The following CTNNA3 variants were observed in gnomAD, a reference collection of about 807,000 sequenced individuals.
The protein encoded by CTNNA3 is catenin alpha-3.
A neutral mutation model predicts 95.7 loss-of-function variants in CTNNA3; 76 were observed. That is an observed-to-expected ratio of 0.79 (90% CI 0.66 to 0.96). The LOEUF is 0.96. Ranked by LOEUF, CTNNA3 falls within the 40% of genes least tolerant of loss-of-function variation. The pLI is 0.00. For synonymous variants in CTNNA3, 431 were observed against 374.4 expected (o/e 1.15, Z -1.74); for missense variants, 1,191 against 1,089.8 (o/e 1.09, Z -1.31).
chr10:66,448,391 G>A (rs552425334), intron 11 of CTNNA3, among the ~76,000 whole-genome samples: 58 of 152,090 alleles, frequency 3.8e-4, no homozygotes, highest in African/African-American at 1.3e-3. Context: ...TGTTTATTGC[G>A]GCACTATTCA....
intron 13 of CTNNA3, among the ~76,000 whole-genome samples, chr10:66,238,681 AATAT>A (rs57015862): frequency 6.6e-6 from 1 of 150,596 alleles, no homozygotes; most frequent in Non-Finnish European, 1.5e-5. Context: ...TAAATGTCCA[AATAT>A]ATATATATAT....
chr10:66,942,576 C>CTCTG (rs1400776459), intron 7 of CTNNA3, among the ~76,000 whole-genome samples: 1 of 140,258 alleles, frequency 7.1e-6, no homozygotes, highest in African/African-American at 2.8e-5. Flanking sequence ...CTCTCTCTCT[C>CTCTG]TGTGTGTGTG....
At chr10:67,482,177 T>C (rs2133055754) in intron 5 of CTNNA3, among the ~76,000 whole-genome samples, 1 of 150,672 alleles carries the variant, frequency 6.6e-6, no homozygotes, top group African/African-American at 2.4e-5. Flanking sequence ...TGAAGTCAGG[T>C]AGTGTGATGC....
At chr10:67,406,859 C>T (rs1302562279) in intron 5 of CTNNA3, among the ~76,000 whole-genome samples, 1 of 152,110 alleles carries the variant, frequency 6.6e-6, no homozygotes. Flanking sequence ...CCTCCCAAGA[C>T]TGAACCAGAA....
chr10:66,764,420 CTAAAT>C (rs1278704988), intron 9 of CTNNA3, among the ~76,000 whole-genome samples: 4 of 152,212 alleles, frequency 2.6e-5, no homozygotes, highest in East Asian at 3.9e-4. Context: ...TTTGTTTAAA[CTAAAT>C]TAAAGAGGTC....
rs1256765609 is a variant in CTNNA3, at chr10:67,237,122, GTATGTATATATATATATATATATATA to G, written c.580-17278_580-17253del. On this transcript the variant is annotated intron_variant, in intron 5 of 17. Transcript: ENST00000433211. ...AATGAGTGGATAAAGAAACTATGGT[GTATGTATATATATATATATATATATA>G]TATATATATATATATATATATATAT... 7.0e-3 allele frequency among the ~76,000 whole-genome samples: 554 copies of G among 79,636 alleles called. 32 individuals are homozygous for G. The highest frequency in any genetic ancestry group is 0.014 in the African/African-American group (429 of 29,608). The allele number at this position is 79,636 out of a possible 152,430, so 52.2% of individuals were successfully genotyped here.
At chr10:66,417,555 T>G (rs1174189894) in intron 11 of CTNNA3, among the ~76,000 whole-genome samples, 1 of 151,990 alleles carries the variant, frequency 6.6e-6, no homozygotes, top group African/African-American at 2.4e-5. Flanking sequence ...GAACATTTTA[T>G]CCAACAACTG....
At chr10:67,375,080 T>C (rs1235939925) in intron 5 of CTNNA3, among the ~76,000 whole-genome samples, 1 of 152,180 alleles carries the variant, frequency 6.6e-6, no homozygotes, top group Non-Finnish European at 1.5e-5. Flanking sequence ...GCCCAAATTA[T>C]TTAAATTATT....
intron 14 of CTNNA3, among the ~76,000 whole-genome samples, chr10:66,082,479 A>G (rs2080803151): frequency 6.6e-6 from 1 of 152,188 alleles, no homozygotes. Context: ...TCTAGAGGGG[A>G]CTAGGAGATG....
chr10:66,443,410 T>C (rs968219479), intron 11 of CTNNA3, among the ~76,000 whole-genome samples: 4 of 151,982 alleles, frequency 2.6e-5, no homozygotes, highest in Non-Finnish European at 5.9e-5. Flanking sequence ...CGCCCCCCAG[T>C]AGGGGCAGAC....
At chr10:67,724,924 T>C (rs1194812521) in intron 1 of CTNNA3, among the ~76,000 whole-genome samples, 1 of 152,122 alleles carries the variant, frequency 6.6e-6, no homozygotes, top group East Asian at 1.9e-4. Context: ...CACGTAAGAA[T>C]TTCATATACC....
At chr10:65,931,989 G>A (rs1278457740) in intron 17 of CTNNA3, among the ~76,000 whole-genome samples, 1 of 152,192 alleles carries the variant, frequency 6.6e-6, no homozygotes, top group African/African-American at 2.4e-5. Flanking sequence ...TCACTGTGAT[G>A]TTGGTCTTTG....
At chr10:66,497,326 T>G (rs535702961) in intron 11 of CTNNA3, among the ~76,000 whole-genome samples, 1 of 151,870 alleles carries the variant, frequency 6.6e-6, no homozygotes, top group Non-Finnish European at 1.5e-5. Flanking sequence ...GTTGCAGTTT[T>G]TGTCATCACT....
At chr10:66,692,125 C>T (rs565392829) in intron 9 of CTNNA3, among the ~76,000 whole-genome samples, 14 of 152,238 alleles carry the variant, frequency 9.2e-5, no homozygotes, top group South Asian at 8.3e-4. Flanking sequence ...ATGACTTTGA[C>T]GAGTTGAGAG....
intron 9 of CTNNA3, among the ~76,000 whole-genome samples, chr10:66,760,372 A>G (rs954667212): frequency 6.6e-6 from 1 of 152,152 alleles, no homozygotes; most frequent in Non-Finnish European, 1.5e-5. Flanking sequence ...TTACCTATCT[A>G]GATTTCCTTT....
intron 6 of CTNNA3, among the ~76,000 whole-genome samples, chr10:67,216,879 T>C (rs1864391665): frequency 6.6e-6 from 1 of 152,170 alleles, no homozygotes; most frequent in Non-Finnish European, 1.5e-5. Context: ...ATTCTCTTAA[T>C]CTACAATTCA....
At chr10:66,367,865 AATAATAATAATAATAATT>A (rs1424728062) in intron 12 of CTNNA3, among the ~76,000 whole-genome samples, 1,543 of 51,184 alleles carry the variant, frequency 0.03, 11 homozygotes, top group Middle Eastern at 0.075. Context: ...TAATAATAAT[AATAATAATAATAATAATT>A]ATTATTATTA....
At chr10:67,472,714 C>T (rs934647517) in intron 5 of CTNNA3, among the ~76,000 whole-genome samples, 2 of 152,158 alleles carry the variant, frequency 1.3e-5, no homozygotes, top group African/African-American at 2.4e-5. Flanking sequence ...GGATAGGGTG[C>T]TCTGCCTATG....
chr10:66,157,510 G>T (rs201820919), intron 13 of CTNNA3, among the ~76,000 whole-genome samples: 6,314 of 107,522 alleles, frequency 0.059, 170 homozygotes, highest in Non-Finnish European at 0.062. Context: ...TAGATAGATA[G>T]ATAGATAGAT....
Sources: gnomAD v4.1 joint callset for allele counts (sites outside exome capture counted in the v4.1 genomes callset) on GRCh38, gnomAD v4.1.1 for gene constraint, MANE v1.5 for transcripts, NCBI Gene and HGNC (gene_info 2026-07-23, HGNC 2026-07-21) for gene names.